The following ANKRA2 variants were observed in gnomAD, a reference collection of about 807,000 sequenced individuals.
ANKRA2 encodes the protein ankyrin repeat family A member 2.
In ANKRA2, 33 loss-of-function variants were observed where a neutral mutation model predicts 37.8. The observed-to-expected ratio is 0.87, with a 90% CI of 0.66 to 1.17. The LOEUF is 1.17. Among genes scored for constraint, ANKRA2 ranks in the 50% most tolerant of loss-of-function variants. The pLI is 0.00. For synonymous variants in ANKRA2, 126 were observed against 132.3 expected (o/e 0.95, Z 0.33); for missense variants, 326 against 373.7 (o/e 0.87, Z 1.05).
At chr5:73,557,367 G>T in intron 4 of ANKRA2, 1 of 338,138 alleles carries the variant, frequency 3.0e-6, no homozygotes, top group South Asian at 9.2e-5. Flanking sequence ...TTTGCTTTTG[G>T]GGAAAAGGCA....
chr5:73,559,484 T>C (rs901132996), intron 3 of ANKRA2, among the ~76,000 whole-genome samples: 6 of 152,214 alleles, frequency 3.9e-5, no homozygotes, highest in Admixed American at 2.0e-4. Flanking sequence ...ATTCATATTA[T>C]ATTCAAATTC....
intron 1 of ANKRA2, among the ~76,000 whole-genome samples, chr5:73,564,909 T>C (rs1230466110): frequency 1.4e-5 from 2 of 142,284 alleles, no homozygotes; most frequent in African/African-American, 4.9e-5. Flanking sequence ...GTAACAGGAC[T>C]TAGAAGAGGT....
chr5:73,555,373 A>C, intron 5 of ANKRA2, 115 bp downstream of exon 5: 1 of 1,459,130 alleles, frequency 6.9e-7, no homozygotes, highest in Non-Finnish European at 9.1e-7. Context: ...GAAAAGCATT[A>C]AACTTTTTTT....
chr5:73,558,746 A>G (rs1747467293), intron 3 of ANKRA2, among the ~76,000 whole-genome samples: 2 of 152,070 alleles, frequency 1.3e-5, no homozygotes, highest in Non-Finnish European at 2.9e-5. Flanking sequence ...CATGTTGCCC[A>G]GGTCTTCAAC....
chr5:73,562,205 C>G (rs112495058), intron 2 of ANKRA2, among the ~76,000 whole-genome samples: 4,183 of 151,862 alleles, frequency 0.028, 193 homozygotes, highest in African/African-American at 0.095. Context: ...TTAGTAGAGA[C>G]GAGGTCTCAT....
In ANKRA2 at chr5:73,554,191, A is replaced by C. The variant is rs191178038; in HGVS notation, c.805+131T>G. On this transcript the variant is annotated intron_variant, in intron 7 of 8. Coordinates refer to ENST00000296785, the MANE Select transcript of ANKRA2 (RefSeq NM_023039.5). ...GCAACTTTTGGTGGCAGGTGCTCTA[A>C]GGGTGAAGAGCAGCAAGATTCATGT... The C allele has an allele frequency of 7.5e-3, 6,174 of 825,484 alleles. 22 individuals carry two copies. The highest frequency in any genetic ancestry group is 8.5e-3 in the Non-Finnish European group (4,459 of 521,666). 51.1% of individuals were successfully genotyped at this position (825,484 alleles called of 1,614,324 possible).
rs373453319 is a variant in ANKRA2, at chr5:73,557,923, A to G, written c.449-283T>C. ...AAAACCCTGTCTCTACAAAAAATAC[A>G]AAAATTAGCTGGGCATGGTGGCATG... On this transcript the variant is annotated intron_variant, in intron 3 of 8. Transcript: ENST00000296785. 2.2e-4 allele frequency among the ~76,000 whole-genome samples: 33 copies of G among 152,260 alleles called. No individual in the cohort carries two copies. The East Asian group carries it at 6.4e-3, about 29-fold the overall frequency.
Position 73,554,326 on chromosome 5 carries a change from G to C in ANKRA2, c.801C>G (p.Leu267=), listed in dbSNP as rs1747338995. Residue 267 remains leucine, a synonymous_variant, in exon 7 of 9, where the codon CTC becomes CTG. Transcript: ENST00000296785. ...TCTAAATTTTTATCTGCTTACCTAAGAGCATCTTTACACATTTCACATGAT... is the reference window on the plus strand; with the variant it reads ...TCTAAATTTTTATCTGCTTACCTAACAGCATCTTTACACATTTCACATGAT... ...HGNHVKCVKM[L]LESGADPTIE... 3 of 1,613,140 alleles carry C rather than the reference G, an allele frequency of 1.9e-6. No individual in the cohort carries two copies. The highest frequency in any genetic ancestry group is 2.5e-6 in the Non-Finnish European group (3 of 1,179,564).
rs1168986448 is a variant in ANKRA2 at position 73,565,460 on chromosome 5, T to C, written c.-433A>G. The C allele has an allele frequency of 8.0e-6, 2 of 251,472 alleles. No individual in the cohort carries two copies. Among genetic ancestry groups the C allele is most frequent in the African/African-American group, 4.6e-5 (2 of 43,766 alleles). 15.6% of individuals were successfully genotyped at this position (251,472 alleles called of 1,614,324 possible). A position where few individuals can be genotyped will look rare whatever the true frequency, so the allele number is the denominator to read the frequency against. On this transcript the variant is annotated 5_prime_UTR_variant, in exon 1 of 9. Coordinates refer to ENST00000296785, the MANE Select transcript of ANKRA2 (RefSeq NM_023039.5). ...CCGATTTCTTCTTTCGCCTTCTGGC[T>C]AAAAAACGTTCCGCAGCAATGCAGC...
At chr5:73,561,442 T>C in intron 2 of ANKRA2, 154 bp from the exon 3 acceptor site, 1 of 758,282 alleles carries the variant, frequency 1.3e-6, no homozygotes, top group East Asian at 2.9e-5. Flanking sequence ...AAGTCCATAC[T>C]TCCTTGTTTG....
chr5:73,559,128 T>C (rs1747477335), intron 3 of ANKRA2, among the ~76,000 whole-genome samples: 1 of 152,176 alleles, frequency 6.6e-6, no homozygotes, highest in African/African-American at 2.4e-5. Context: ...TTTATATAAG[T>C]AAACCAGAAA....
chr5:73,552,790 ACT>A lies in ANKRA2; in HGVS notation c.*5_*6del. 1 of 1,596,360 alleles carries A rather than the reference ACT, an allele frequency of 6.3e-7. No homozygotes were observed. The highest frequency in any genetic ancestry group is 8.6e-7 in the Non-Finnish European group (1 of 1,166,058). On this transcript the variant is annotated 3_prime_UTR_variant, in exon 9 of 9. Coordinates refer to ENST00000296785, the MANE Select transcript of ANKRA2 (RefSeq NM_023039.5). Reference sequence around the variant, plus strand: ...ACAAAAGGGCAGACATTTTCTGATGACTGTGTCTACTCCTTGATATTTTGAAG... The same window carrying A: ...ACAAAAGGGCAGACATTTTCTGATGAGTGTCTACTCCTTGATATTTTGAAG...
chr5:73,560,687 T>C (rs892263300), intron 3 of ANKRA2, among the ~76,000 whole-genome samples: 1 of 152,094 alleles, frequency 6.6e-6, no homozygotes. Flanking sequence ...TGCCCAGCCT[T>C]CAGTGCATTA....
At chr5:73,561,454 A>G in intron 2 of ANKRA2, 166 bp from the exon 3 acceptor site, 1 of 704,544 alleles carries the variant, frequency 1.4e-6, no homozygotes, top group Non-Finnish European at 2.2e-6. Context: ...CCTTGTTTGC[A>G]TAATGGTTAG....
In ANKRA2 at chr5:73,562,842, T is replaced by A. The variant is rs1385086101; in HGVS notation, c.40A>T (p.Ile14Phe). The change falls in exon 2 of 9, where the codon ATC becomes TTC. Residue 14 changes from isoleucine (I) to phenylalanine (F), a missense_variant. Physicochemically the swap from Ile to Phe is conservative, Grantham distance 21 (BLOSUM62 0). This residue lies in a region of ANKRA2 where 93 missense variants were observed against 91.1 expected (regional missense o/e 1.02). Transcript: ENST00000296785. The part of the protein sequence containing the change: ...STNLDIGAQL[I>F]VEECPSTYSL... ...TAAGTGCTGGGACACTCTTCCACGA[T>A]AAGCTGGGCTCCAATATCCAGATTT... 6.2e-7 allele frequency: 1 copy of A among 1,612,896 alleles called. No homozygotes were observed. The highest frequency in any genetic ancestry group is 8.5e-7 in the Non-Finnish European group (1 of 1,179,126).
intron 3 of ANKRA2, 48 bp downstream of exon 3, chr5:73,561,081 GA>G: frequency 6.6e-7 from 1 of 1,509,500 alleles, no homozygotes; most frequent in Non-Finnish European, 9.0e-7. Context: ...TCAAACTCTT[GA>G]AAGTATTACA....
rs549997929 is a variant in ANKRA2, at chr5:73,554,667, C to G, written c.738+194G>C. Among the ~76,000 whole-genome samples the G allele has an allele frequency of 1.1e-4, 17 of 152,246 alleles. No homozygotes were observed. In the East Asian group the frequency reaches 3.3e-3, roughly 29 times the overall value. Reference sequence around the variant, plus strand: ...CCAGGCTGGAGTACAGTGGTGCAATCACAGCTCACTGCAGCCTCAAACTTC... The same window carrying G: ...CCAGGCTGGAGTACAGTGGTGCAATGACAGCTCACTGCAGCCTCAAACTTC... On this transcript the variant is annotated intron_variant, in intron 6 of 8. Coordinates refer to ENST00000296785, the MANE Select transcript of ANKRA2 (RefSeq NM_023039.5).
chr5:73,561,885 A>G (rs1747565867), intron 2 of ANKRA2, among the ~76,000 whole-genome samples: 1 of 152,214 alleles, frequency 6.6e-6, no homozygotes, highest in Non-Finnish European at 1.5e-5. Context: ...ATAAAAGCAA[A>G]TCTAGAGCAT....
intron 4 of ANKRA2, chr5:73,557,361 CT>C (rs1421816646): frequency 3.1e-6 from 1 of 323,474 alleles, no homozygotes; most frequent in Non-Finnish European, 5.6e-6. Flanking sequence ...ATAACGTTTG[CT>C]TTTGGGGAAA....
Sources: gnomAD v4.1 joint callset for allele counts (sites outside exome capture counted in the v4.1 genomes callset) on GRCh38, gnomAD v4.1.1 for gene constraint, gnomAD v4.1.1 regional missense constraint, MANE v1.5 for transcripts, NCBI Gene and HGNC (gene_info 2026-07-23, HGNC 2026-07-21) for gene names.